LIPI: variants seen among roughly 807,000 people sequenced by gnomAD.
LIPI encodes lipase I.
In LIPI, 59 loss-of-function variants were observed where a neutral mutation model predicts 50.6. The observed-to-expected ratio is 1.16, with a 90% CI of 0.94 to 1.45. LIPI has a LOEUF of 1.45. LIPI is among the 40% of genes most tolerant of loss of function. LIPI has a pLI of 0.00. For synonymous variants in LIPI, 203 were observed against 178.2 expected (o/e 1.14, Z -1.11); for missense variants, 586 against 536.3 (o/e 1.09, Z -0.92).
At chr21:14,179,543 G>A (rs1181988065) in intron 4 of LIPI, among the ~76,000 whole-genome samples, 1 of 152,160 alleles carries the variant, frequency 6.6e-6, no homozygotes, top group Admixed American at 6.6e-5. Flanking sequence ...AGTATGAAGA[G>A]CTAAGTCAAA....
rs1006866183 is a variant in LIPI, at chr21:14,202,839, T to A, written c.46+7961A>T. On this transcript the variant is annotated intron_variant, in intron 1 of 9. Transcript: ENST00000681601. ...AAAGCCAAAACTGACAAATGGGATC[T>A]AATTAAACTAAAGAGCTTCTGCACA... Among the ~76,000 whole-genome samples the A allele has an allele frequency of 3.1e-3, 468 of 151,528 alleles. 4 individuals carry two copies. The highest frequency in any genetic ancestry group is 0.011 in the African/African-American group (453 of 41,470).
In LIPI at chr21:14,161,237, T is replaced by C. The variant is rs1387926989; in HGVS notation, c.1006+2182A>G. On this transcript the variant is annotated intron_variant, in intron 7 of 9. Coordinates refer to ENST00000681601, the MANE Select transcript of LIPI (RefSeq NM_001302998.2). ...TCCCAGATGCTCTTCAACAGGTGAT[T>C]GGTTAAACAAATGGTGGCACATCCT... Among the ~76,000 whole-genome samples the C allele has an allele frequency of 7.3e-5, 11 of 150,154 alleles. No homozygotes were observed. In the Admixed American group the frequency reaches 7.4e-4, roughly 10 times the overall value.
At chr21:14,184,625 A>G (rs1291392595) in intron 3 of LIPI, among the ~76,000 whole-genome samples, 2 of 152,162 alleles carry the variant, frequency 1.3e-5, no homozygotes, top group Admixed American at 1.3e-4. Flanking sequence ...ATCTTCCTAT[A>G]AATCATTCTG....
rs1009300854 is a variant in LIPI at position 14,133,716 on chromosome 21, A to G, written c.1295+10907T>C. On this transcript the variant is annotated intron_variant, in intron 9 of 9. Transcript: ENST00000681601. ...CTGTTTGCTGATGATATATGCTTAT[A>G]TCTTGAAAACCCTAAAGACTCCACC... 2.6e-5 allele frequency among the ~76,000 whole-genome samples: 4 copies of G among 152,200 alleles called. No homozygotes were observed. In the East Asian group the frequency reaches 7.7e-4, roughly 29 times the overall value.
chr21:14,117,431 T>C (rs191181962), intron 9 of LIPI, among the ~76,000 whole-genome samples: 1 of 152,288 alleles, frequency 6.6e-6, no homozygotes, highest in East Asian at 1.9e-4. Context: ...CCAGTAGGCA[T>C]GGCAGATGTC....
At chr21:14,128,093 C>A (rs1042269760) in intron 9 of LIPI, among the ~76,000 whole-genome samples, 7 of 151,926 alleles carry the variant, frequency 4.6e-5, no homozygotes, top group Non-Finnish European at 1.0e-4. Flanking sequence ...AATAATGAGA[C>A]TTGAAGATAC....
At chr21:14,173,102 G>T (rs1051706938) in intron 4 of LIPI, among the ~76,000 whole-genome samples, 2 of 152,214 alleles carry the variant, frequency 1.3e-5, no homozygotes, top group African/African-American at 4.8e-5. Flanking sequence ...AGTTGGAGTG[G>T]AGCACAAATG....
At chr21:14,122,421 T>C (rs73344095) in intron 9 of LIPI, among the ~76,000 whole-genome samples, 351 of 152,280 alleles carry the variant, frequency 2.3e-3, no homozygotes, top group Middle Eastern at 0.01. Flanking sequence ...CTAATAACGT[T>C]GGAACTGGGA....
intron 4 of LIPI, among the ~76,000 whole-genome samples, chr21:14,169,632 G>T (rs1389229164): frequency 6.6e-6 from 1 of 152,192 alleles, no homozygotes; most frequent in Admixed American, 6.5e-5. Context: ...ATAACGAAAT[G>T]AAGGCAGAAA....
At chr21:14,131,771 C>T (rs896926088) in intron 9 of LIPI, among the ~76,000 whole-genome samples, 9 of 151,972 alleles carry the variant, frequency 5.9e-5, no homozygotes, top group Non-Finnish European at 1.2e-4. Flanking sequence ...TTTAAAGAAG[C>T]TCAATGAGAT....
intron 4 of LIPI, among the ~76,000 whole-genome samples, chr21:14,181,397 G>A (rs8130145): frequency 0.26 from 39,140 of 151,986 alleles, 5,325 homozygotes; most frequent in Middle Eastern, 0.34. Context: ...GAAAATAAGC[G>A]GGGAGAATGG....
intron 9 of LIPI, among the ~76,000 whole-genome samples, chr21:14,113,679 G>A (rs1340420098): frequency 6.6e-6 from 1 of 152,098 alleles, no homozygotes; most frequent in Admixed American, 6.5e-5. Flanking sequence ...GAAACTTGAT[G>A]AAAACTATAA....
In LIPI at chr21:14,138,237, A is replaced by C. The variant is rs1488499370; in HGVS notation, c.1295+6386T>G. ...AATAAAGATTAAAAAATTAAAAAAG[A>C]TTTCAGGACAAGTAATATAACAGGA... On this transcript the variant is annotated intron_variant, in intron 9 of 9. Coordinates refer to ENST00000681601, the MANE Select transcript of LIPI (RefSeq NM_001302998.2). 2.0e-5 allele frequency among the ~76,000 whole-genome samples: 3 copies of C among 152,084 alleles called. No individual in the cohort carries two copies. The East Asian group carries it at 5.8e-4, about 29-fold the overall frequency.
At position 14,197,569 on chromosome 21, in the gene LIPI, A is replaced by G. The variant is rs151273889; in HGVS notation, c.47-8150T>C. Among the ~76,000 whole-genome samples the G allele has an allele frequency of 3.7e-3, 565 of 152,250 alleles. 3 individuals are homozygous for G. The highest frequency in any genetic ancestry group is 0.013 in the African/African-American group (551 of 41,556). ...AAGACAGGCAGACAAGAGTAGAGAG[A>G]AAAGAATGAAAAGGAAGAACAAAAC... On this transcript the variant is annotated intron_variant, in intron 1 of 9. Coordinates refer to ENST00000681601, the MANE Select transcript of LIPI (RefSeq NM_001302998.2).
At chr21:14,110,544 C>T (rs1344500366) in intron 9 of LIPI, among the ~76,000 whole-genome samples, 1 of 151,916 alleles carries the variant, frequency 6.6e-6, no homozygotes, top group African/African-American at 2.4e-5. Context: ...TAACTGTGGT[C>T]ACCATGCTGC....
At chr21:14,184,241 C>G (rs982974963) in intron 3 of LIPI, among the ~76,000 whole-genome samples, 22 of 152,094 alleles carry the variant, frequency 1.4e-4, no homozygotes, top group African/African-American at 4.8e-4. Flanking sequence ...AAACCAAACA[C>G]CGCATGTTCT....
intron 1 of LIPI, among the ~76,000 whole-genome samples, chr21:14,202,537 C>T (rs2020092612): frequency 6.6e-6 from 1 of 152,082 alleles, no homozygotes; most frequent in South Asian, 2.1e-4. Context: ...CGCATATCTA[C>T]AACCATCTGA....
At chr21:14,136,842 C>T (rs2017517299) in intron 9 of LIPI, among the ~76,000 whole-genome samples, 1 of 152,146 alleles carries the variant, frequency 6.6e-6, no homozygotes, top group Admixed American at 6.5e-5. Flanking sequence ...TGTGTCACTC[C>T]ACCCCCAGAT....
intron 9 of LIPI, among the ~76,000 whole-genome samples, chr21:14,138,259 A>T (rs7275510): frequency 0.67 from 101,090 of 151,552 alleles, 33,898 homozygotes; most frequent in East Asian, 0.94. Context: ...GTAATATAAC[A>T]GGATAGATAG....
Sources: allele counts gnomAD v4.1 joint callset (sites outside exome capture counted in the v4.1 genomes callset), GRCh38; gene constraint gnomAD v4.1.1; transcripts MANE v1.5; gene names NCBI Gene and HGNC (gene_info 2026-07-23, HGNC 2026-07-21).